The following PHEX variants were observed in gnomAD, a reference collection of about 807,000 sequenced individuals.
PHEX encodes phosphate regulating endopeptidase X-linked.
In PHEX, 16 loss-of-function variants were observed where a neutral mutation model predicts 68.0. The observed-to-expected ratio is 0.24, with a 90% confidence interval of 0.16 to 0.36. The LOEUF (loss-of-function observed/expected upper bound fraction) is 0.36. PHEX is among the 10% of genes least tolerant of loss of function. The pLI, the probability that PHEX is intolerant of heterozygous loss-of-function variation, is 1.00. For missense variants in PHEX, 480 were observed against 575.5 expected (o/e 0.83, Z 1.70); for synonymous variants, 208 against 205.1 (o/e 1.01, Z -0.12).
chrX:22,199,126 T>C (rs1294744429), intron 15 of PHEX, among the ~76,000 whole-genome samples: 1 of 111,278 alleles, frequency 9.0e-6, no homozygotes, highest in Non-Finnish European at 1.9e-5. Flanking sequence ...CAATTCAAGA[T>C]GAGCTTTGGG....
chrX:22,146,844 AATT>A (rs60020490), intron 12 of PHEX, among the ~76,000 whole-genome samples: 30,994 of 109,375 alleles, frequency 0.28, 3,698 homozygotes, highest in East Asian at 0.76. Context: ...AAATAAAATT[AATT>A]AATTAATTAA....
chrX:22,204,918 GA>G (rs202065898), intron 15 of PHEX, among the ~76,000 whole-genome samples: 2 of 107,862 alleles, frequency 1.9e-5, no homozygotes, highest in African/African-American at 3.4e-5. Flanking sequence ...TAAGGCTTTT[GA>G]AAAAAAAATA....
intron 20 of PHEX, among the ~76,000 whole-genome samples, chrX:22,238,041 C>T (rs1936045149): frequency 8.9e-6 from 1 of 112,153 alleles, no homozygotes; most frequent in Non-Finnish European, 1.9e-5. Flanking sequence ...CTTTGGGAGG[C>T]CGAGGCGGGT....
intron 16 of PHEX, 61 bp downstream of exon 16, chrX:22,213,019 A>G (rs1408649584): frequency 4.6e-6 from 4 of 867,673 alleles, no homozygotes; most frequent in South Asian, 4.0e-5. Context: ...TTGCTTTGGT[A>G]GAGGACAGAA....
At chrX:22,188,083 A>G (rs1934087657) in intron 14 of PHEX, among the ~76,000 whole-genome samples, 1 of 112,062 alleles carries the variant, frequency 8.9e-6, no homozygotes, top group African/African-American at 3.2e-5. Context: ...TGACATATTC[A>G]TAGACTTCTT....
chrX:22,193,249 A>G (rs1241084121), intron 15 of PHEX, among the ~76,000 whole-genome samples: 2 of 111,110 alleles, frequency 1.8e-5, no homozygotes, highest in Non-Finnish European at 3.8e-5. Context: ...TTATTCACTT[A>G]AAAACGTTTT....
At position 22,231,669 on chromosome X, in the gene PHEX, GTCTT is replaced by G. The variant is rs201699640; in HGVS notation, c.2070+4063_2070+4066del. Among the ~76,000 whole-genome samples the G allele has an allele frequency of 3.2e-3, 359 of 110,743 alleles. 2 individuals carry two copies. The highest frequency in any genetic ancestry group is 0.011 in the African/African-American group (338 of 30,410). ...TATTTGATTCTTCTCTCCCTTATTAGTCTTTCTTGCTAGTGGTCTATCTGTGTTG... is the reference window on the plus strand; with the variant it reads ...TATTTGATTCTTCTCTCCCTTATTAGTCTTGCTAGTGGTCTATCTGTGTTG... On this transcript the variant is annotated intron_variant, in intron 20 of 21. Coordinates refer to ENST00000379374, the MANE Select transcript of PHEX (RefSeq NM_000444.6).
At chrX:22,033,479 A>G (rs1288519410) in intron 1 of PHEX, among the ~76,000 whole-genome samples, 1 of 112,136 alleles carries the variant, frequency 8.9e-6, no homozygotes, top group Non-Finnish European at 1.9e-5. Flanking sequence ...ATTTTGAGGA[A>G]AGACTTTACA....
At chrX:22,037,772 T>A (rs925486585) in intron 1 of PHEX, among the ~76,000 whole-genome samples, 39 of 110,896 alleles carry the variant, frequency 3.5e-4, no homozygotes, top group African/African-American at 1.3e-3. Flanking sequence ...TTGCTATCAA[T>A]AGGTGATTGA....
intron 12 of PHEX, among the ~76,000 whole-genome samples, chrX:22,155,020 G>C (rs929955182): frequency 2.7e-5 from 3 of 112,165 alleles, no homozygotes; most frequent in Non-Finnish European, 5.6e-5. Context: ...TAAGCAATTC[G>C]CCTGCCTCAG....
rs1439594712 is a variant in PHEX, at chrX:22,098,790, T to A, written c.934-216T>A. 4.9e-4 allele frequency among the ~76,000 whole-genome samples: 20 copies of A among 40,981 alleles called. No individual in the cohort carries two copies. The African/African-American group carries it at 5.3e-3, about 11-fold the overall frequency. 35.6% of individuals were successfully genotyped at this position (40,981 alleles called of 115,157 possible). Reference sequence around the variant, plus strand: ...TCCAGCCTGGGTGATAGAGCGAGAATGTCTCAAAAAAAAAAAAAAAAAAAA... The same window carrying A: ...TCCAGCCTGGGTGATAGAGCGAGAAAGTCTCAAAAAAAAAAAAAAAAAAAA... On this transcript the variant is annotated intron_variant, in intron 8 of 21. Coordinates refer to ENST00000379374, the MANE Select transcript of PHEX (RefSeq NM_000444.6).
At chrX:22,237,618 C>A (rs1401636834) in intron 20 of PHEX, among the ~76,000 whole-genome samples, 2 of 111,882 alleles carry the variant, frequency 1.8e-5, no homozygotes, top group East Asian at 5.6e-4. Context: ...TTTTCCTACT[C>A]AAGAATGACT....
At chrX:22,121,287 G>A (rs1317711364) in intron 11 of PHEX, among the ~76,000 whole-genome samples, 4 of 112,137 alleles carry the variant, frequency 3.6e-5, no homozygotes, top group Non-Finnish European at 7.5e-5. Context: ...GAGGGGGTCA[G>A]TGGATGGAAA....
In PHEX at chrX:22,114,449, C is replaced by G; in HGVS notation, c.1174-9C>G. 1 of 1,204,342 alleles carries G rather than the reference C, an allele frequency of 8.3e-7. No homozygotes were observed. Among genetic ancestry groups the G allele is most frequent in the Non-Finnish European group, 1.1e-6 (1 of 888,928 alleles). ...ATGAAGTTTAATCTGGATCAATTAT[C>G]TCCCACAGGTAATCCAGGGGACCAC... is the stretch of plus-strand genomic sequence containing the variant. On this transcript the variant is annotated splice_polypyrimidine_tract_variant and intron_variant, in intron 10 of 21. Coordinates refer to ENST00000379374, the MANE Select transcript of PHEX (RefSeq NM_000444.6).
chrX:22,143,074 C>T (rs139869474), intron 12 of PHEX, among the ~76,000 whole-genome samples: 1 of 112,063 alleles, frequency 8.9e-6, no homozygotes, highest in African/African-American at 3.2e-5. Context: ...AAATTTATAC[C>T]ATTTCTGTTT....
At chrX:22,129,014 A>G (rs1388178938) in intron 11 of PHEX, among the ~76,000 whole-genome samples, 1 of 111,412 alleles carries the variant, frequency 9.0e-6, no homozygotes, top group African/African-American at 3.3e-5. Flanking sequence ...AACAGTTATA[A>G]TGATATACTG....
At chrX:22,038,643 C>T in intron 2 of PHEX, 106 bp downstream of exon 2, 2 of 598,668 alleles carry the variant, frequency 3.3e-6, no homozygotes, top group Non-Finnish European at 5.8e-6. Context: ...TGAGGTTTAC[C>T]AAGTACGAAA....
chrX:22,229,537 G>GTCTT (rs1187989027), intron 20 of PHEX, among the ~76,000 whole-genome samples: 1 of 112,525 alleles, frequency 8.9e-6, no homozygotes. Flanking sequence ...CTGCATAAAT[G>GTCTT]TCTTCTTTTG....
intron 20 of PHEX, among the ~76,000 whole-genome samples, chrX:22,229,091 A>C (rs1787810244): frequency 8.9e-6 from 1 of 112,098 alleles, no homozygotes; most frequent in Non-Finnish European, 1.9e-5. Context: ...ACAGTATGCC[A>C]TGGTGTATAT....
Sources: gnomAD v4.1 joint callset for allele counts (sites outside exome capture counted in the v4.1 genomes callset) on GRCh38, gnomAD v4.1.1 for gene constraint, MANE v1.5 for transcripts, NCBI Gene and HGNC (gene_info 2026-07-23, HGNC 2026-07-21) for gene names.